POC1A: variants seen among roughly 807,000 people sequenced by gnomAD.
POC1A encodes POC1 centriolar protein A.
POC1A carries 34 observed loss-of-function variants against 47.8 expected under a neutral mutation model. The observed-to-expected ratio is 0.71, with a 90% confidence interval of 0.54 to 0.95. The LOEUF is 0.95. POC1A is among the 40% of genes least tolerant of loss of function. The pLI is 0.00. For missense variants in POC1A, 466 were observed against 528.3 expected (o/e 0.88, Z 1.16); for synonymous variants, 177 against 207.6 (o/e 0.85, Z 1.27).
intron 9 of POC1A, among the ~76,000 whole-genome samples, chr3:52,107,801 G>A (rs746094170): frequency 6.6e-5 from 10 of 152,320 alleles, no homozygotes; most frequent in Non-Finnish European, 8.8e-5. Flanking sequence ...CTCTGCCAGT[G>A]TTAATGTCTT....
intron 6 of POC1A, among the ~76,000 whole-genome samples, chr3:52,145,065 G>C (rs914385864): frequency 1.3e-5 from 2 of 152,070 alleles, no homozygotes; most frequent in Non-Finnish European, 2.9e-5. Context: ...TCTCTGTTTT[G>C]CCAGCTACAC....
chr3:52,082,186 A>AG (rs1227363194), intron 10 of POC1A, among the ~76,000 whole-genome samples: 1 of 151,738 alleles, frequency 6.6e-6, no homozygotes, highest in South Asian at 2.1e-4. Flanking sequence ...GGGAAGGAAG[A>AG]GGGGGGAGTG....
At chr3:52,154,237 G>A (rs930388253) in intron 1 of POC1A, 118 bp downstream of exon 1, 1 of 1,129,150 alleles carries the variant, frequency 8.9e-7, no homozygotes, top group Non-Finnish European at 1.3e-6. Flanking sequence ...GACCTGAAGA[G>A]GACCACCCTG....
chr3:52,107,353 A>G (rs750065210), intron 9 of POC1A, among the ~76,000 whole-genome samples: 6 of 152,226 alleles, frequency 3.9e-5, no homozygotes, highest in Non-Finnish European at 7.3e-5. Context: ...AAGCAGGTCC[A>G]TCCTGGGCCA....
Position 52,075,532 on chromosome 3 carries a change from T to C in POC1A, c.*355A>G. On this transcript the variant is annotated 3_prime_UTR_variant, in exon 11 of 11. Transcript: ENST00000296484. ...GCCAGTCACATGTCCAAATGATGAGTGAAAATCAAGGCATCGTGGAGCCAC... is the reference window on the plus strand; with the variant it reads ...GCCAGTCACATGTCCAAATGATGAGCGAAAATCAAGGCATCGTGGAGCCAC... 1 of 195,098 alleles carries C rather than the reference T, an allele frequency of 5.1e-6. No individual in the cohort carries two copies. The highest frequency in any genetic ancestry group is 1.1e-5 in the Non-Finnish European group (1 of 91,428). The allele number at this position is 195,098 out of a possible 1,614,324, so 12.1% of individuals were successfully genotyped here. A position where few individuals can be genotyped will look rare whatever the true frequency, so the allele number is the denominator to read the frequency against.
chr3:52,120,451 G>T (rs1466323080), intron 9 of POC1A, among the ~76,000 whole-genome samples: 1 of 152,186 alleles, frequency 6.6e-6, no homozygotes, highest in East Asian at 1.9e-4. Flanking sequence ...AAGGAAAGAG[G>T]TCTGATCTGA....
chr3:52,151,689 A>C (rs1319742768), intron 1 of POC1A, among the ~76,000 whole-genome samples: 1 of 152,252 alleles, frequency 6.6e-6, no homozygotes, highest in East Asian at 1.9e-4. Flanking sequence ...AACATCACTA[A>C]GAGAAATGAA....
intron 1 of POC1A, 78 bp downstream of exon 1, chr3:52,154,277 C>T (rs1158774706): frequency 5.6e-6 from 8 of 1,433,748 alleles, no homozygotes; most frequent in Non-Finnish European, 7.6e-6. Flanking sequence ...CCCCTCGCAG[C>T]CATCGCTCTG....
chr3:52,149,761 G>A (rs1410427037), intron 3 of POC1A, 55 bp downstream of exon 3: 7 of 1,538,568 alleles, frequency 4.5e-6, no homozygotes, highest in Non-Finnish European at 5.3e-6. Flanking sequence ...GGTGGGGATG[G>A]CTCTGGCACC....
At position 52,096,716 on chromosome 3, in the gene POC1A, A is replaced by C; in HGVS notation, c.982-4T>G. ...GGACAGGGAAGTCCACTTCTGGCTA[A>C]AGACAGAAAGAAAAAAGTTCCTCAG... is the stretch of plus-strand genomic sequence containing the variant. On this transcript the variant is annotated splice_region_variant and splice_polypyrimidine_tract_variant and intron_variant, in intron 9 of 10. Coordinates refer to ENST00000296484, the MANE Select transcript of POC1A (RefSeq NM_015426.5). The C allele has an allele frequency of 3.8e-6, 6 of 1,572,780 alleles. No individual in the cohort carries two copies. The highest frequency in any genetic ancestry group is 5.2e-6 in the Non-Finnish European group (6 of 1,164,812).
In POC1A at chr3:52,125,143, C is replaced by T. The variant is rs767223133; in HGVS notation, c.852G>A (p.Glu284=). Residue 284 remains glutamate, a synonymous_variant, in exon 8 of 11, where the codon GAG becomes GAA. Coordinates refer to ENST00000296484, the MANE Select transcript of POC1A (RefSeq NM_015426.5). ...ATTVAFSRTG[E]YFASGGSDEQ... Reference sequence around the variant, plus strand: ...CATCAGAGCCTCCAGAAGCAAAATACTCCCCCGTTCTTGAAAAGGCAACAG... The same window carrying T: ...CATCAGAGCCTCCAGAAGCAAAATATTCCCCCGTTCTTGAAAAGGCAACAG... The T allele has an allele frequency of 1.9e-6, 3 of 1,613,956 alleles. No homozygotes were observed. Among genetic ancestry groups the T allele is most frequent in the African/African-American group, 2.7e-5 (2 of 74,944 alleles).
Position 52,147,073 on chromosome 3 carries a change from T to C in POC1A, c.478A>G (p.Ile160Val), listed in dbSNP as rs759047319. The change falls in exon 5 of 11, where the codon ATC (isoleucine) becomes GTC (valine). Residue 160 changes from isoleucine (I) to valine (V), a missense_variant. Transcript: ENST00000296484. ...CAKFSPDGRL[I>V]VSASDDKTVK... ...GTCTTGTCATCACTGGCAGACACGATGAGCCGCCCGTCGGGGGAGAACCTG... is the reference window on the plus strand; with the variant it reads ...GTCTTGTCATCACTGGCAGACACGACGAGCCGCCCGTCGGGGGAGAACCTG... The C allele has an allele frequency of 1.2e-5, 19 of 1,613,978 alleles. No homozygotes were observed. The East Asian group carries it at 3.8e-4, about 32-fold the overall frequency.
chr3:52,121,302 T>C (rs1490384318), intron 9 of POC1A, among the ~76,000 whole-genome samples: 2 of 152,104 alleles, frequency 1.3e-5, no homozygotes, highest in African/African-American at 2.4e-5. Flanking sequence ...GGGTGGAAGA[T>C]GAACTGGCAG....
At chr3:52,131,164 G>A (rs1044329899) in intron 7 of POC1A, among the ~76,000 whole-genome samples, 1 of 151,976 alleles carries the variant, frequency 6.6e-6, no homozygotes, top group Non-Finnish European at 1.5e-5. Context: ...TAGCTCTAGA[G>A]AACTTAAACC....
chr3:52,135,725 A>G (rs1704432089), intron 7 of POC1A, among the ~76,000 whole-genome samples: 1 of 151,824 alleles, frequency 6.6e-6, no homozygotes, highest in African/African-American at 2.4e-5. Context: ...CCCCATACGT[A>G]CTCACACACT....
At chr3:52,117,187 CAA>C (rs751503158) in intron 9 of POC1A, among the ~76,000 whole-genome samples, 11 of 129,190 alleles carry the variant, frequency 8.5e-5, no homozygotes, top group Non-Finnish European at 8.4e-5. Flanking sequence ...GACTCTGTCT[CAA>C]AAAAAAAAAA....
chr3:52,153,346 G>C lies in POC1A; in HGVS notation c.18+1009C>G, dbSNP rs572760962. Among the ~76,000 whole-genome samples the C allele has an allele frequency of 4.6e-5, 7 of 152,162 alleles. No homozygotes were observed. The South Asian group carries it at 6.2e-4, about 14-fold the overall frequency. ...TTTGGGTGCTCCAGGAAGCCCAAAG[G>C]CTCCTCCTGGGAAAGGATGTCCTTG... On this transcript the variant is annotated intron_variant, in intron 1 of 10. Coordinates refer to ENST00000296484, the MANE Select transcript of POC1A (RefSeq NM_015426.5).
At chr3:52,123,247 C>A (rs965621768) in intron 8 of POC1A, among the ~76,000 whole-genome samples, 2 of 152,222 alleles carry the variant, frequency 1.3e-5, no homozygotes, top group Non-Finnish European at 1.5e-5. Context: ...TCAGCAGGAC[C>A]ATGTCCCTCG....
intron 4 of POC1A, among the ~76,000 whole-genome samples, chr3:52,148,976 T>G (rs1698461530): frequency 6.6e-6 from 1 of 152,270 alleles, no homozygotes; most frequent in Admixed American, 6.5e-5. Context: ...AGGGTCATCA[T>G]GGCTGACTAT....
Sources: gnomAD v4.1 joint callset for allele counts (sites outside exome capture counted in the v4.1 genomes callset) on GRCh38, gnomAD v4.1.1 for gene constraint, MANE v1.5 for transcripts, NCBI Gene and HGNC (gene_info 2026-07-23, HGNC 2026-07-21) for gene names.